CEP170B: variants seen among roughly 807,000 people sequenced by gnomAD.
The protein encoded by CEP170B is centrosomal protein 170B.
A neutral mutation model predicts 120.6 loss-of-function variants in CEP170B; 55 were observed. That is an observed-to-expected ratio of 0.46 (90% CI 0.37 to 0.57). The LOEUF (loss-of-function observed/expected upper bound fraction) is 0.57. CEP170B is among the 20% of genes least tolerant of loss of function. The pLI is 0.00. For missense variants in CEP170B, 2,212 were observed against 2,253.3 expected (o/e 0.98, Z 0.37); for synonymous variants, 1,033 against 954.5 (o/e 1.08, Z -1.52).
At position 104,887,594 on chromosome 14, in the gene CEP170B, C is replaced by T. The variant is rs756226748; in HGVS notation, c.3355C>T (p.Arg1119Cys). 8.8e-6 allele frequency: 14 copies of T among 1,585,600 alleles called. No individual in the cohort carries two copies. The highest frequency in any genetic ancestry group is 1.1e-5 in the South Asian group (1 of 87,842). The part of the protein sequence containing the change: ...LTRSNSLSTP[R>C]PTRASRLRRA... ...CCGCTCCAACAGCCTGTCCACCCCT[C>T]GCCCCACACGGGCCTCCCGGCTGAG... is the stretch of plus-strand genomic sequence containing the variant. The change falls in exon 12 of 19, where the codon CGC becomes TGC. Residue 1119 changes from arginine (R) to cysteine (C), a missense_variant. Arg to Cys is a radical substitution (Grantham distance 180). Coordinates refer to ENST00000414716, the MANE Select transcript of CEP170B (RefSeq NM_001112726.3).
At position 104,887,937 on chromosome 14, in the gene CEP170B, C is replaced by T. The variant is rs972006268; in HGVS notation, c.3698C>T (p.Pro1233Leu). The T allele has an allele frequency of 7.1e-6, 11 of 1,542,216 alleles. No homozygotes were observed. The highest frequency in any genetic ancestry group is 2.7e-5 in the African/African-American group (2 of 73,528). The change falls in exon 12 of 19, where the codon CCC becomes CTC. Residue 1233 changes from proline to leucine, a missense_variant. Pro to Leu is a moderately conservative substitution (Grantham distance 98, BLOSUM62 -3). Transcript: ENST00000414716. The part of the protein sequence containing the change: ...NTATTTGPRQ[P>L]FSRARSGSAR... ...GCCACCACCACGGGTCCCCGCCAGC[C>T]CTTCAGCAGGGCCCGCTCAGGCAGT...
rs1203712373 is a variant in CEP170B, at chr14:104,883,224, G to T, written c.767G>T (p.Gly256Val). 6.2e-7 allele frequency: 1 copy of T among 1,611,076 alleles called. No individual in the cohort carries two copies. The highest frequency in any genetic ancestry group is 8.5e-7 in the Non-Finnish European group (1 of 1,179,480). ...CCCACGAAGGATGCAGAGGCAGGTG[G>T]GGGCGGAGCGGCCCCTGTGGTGCAG... Reference protein sequence around the residue: ...EMPTKDAEAGGGGAAPVVQSH... With the variant: ...EMPTKDAEAGVGGAAPVVQSH... Residue 256 changes from glycine to valine, a missense_variant, in exon 8 of 19, where the codon GGG becomes GTG. Transcript: ENST00000414716.
At chr14:104,892,080 G>A (rs971848647) in intron 13 of CEP170B, among the ~76,000 whole-genome samples, 18 of 152,142 alleles carry the variant, frequency 1.2e-4, no homozygotes, top group Admixed American at 6.5e-5. Context: ...CAGTGTGGGG[G>A]CCGAGGAGGC....
chr14:104,885,557 G>A lies in CEP170B; in HGVS notation c.1944+15G>A, dbSNP rs369486100. 73 of 1,545,220 alleles carry A rather than the reference G, an allele frequency of 4.7e-5. No homozygotes were observed. Among genetic ancestry groups the A allele is most frequent in the Non-Finnish European group, 5.5e-5 (63 of 1,152,832 alleles). On this transcript the variant is annotated intron_variant, in intron 10 of 18. Coordinates refer to ENST00000414716, the MANE Select transcript of CEP170B (RefSeq NM_001112726.3). Reference sequence around the variant, plus strand: ...CGGAGCACCAGGTACAGGCACAGACGGCCACCCCAAGGAGGGGCTGGGCAG... The same window carrying A: ...CGGAGCACCAGGTACAGGCACAGACAGCCACCCCAAGGAGGGGCTGGGCAG...
rs769122597 is a variant in CEP170B, at chr14:104,894,915, C to T, written c.4622C>T (p.Pro1541Leu). 2.7e-5 allele frequency: 43 copies of T among 1,595,078 alleles called. No homozygotes were observed. The highest frequency in any genetic ancestry group is 1.1e-4 in the East Asian group (5 of 43,954). Residue 1541 changes from proline (P) to leucine (L), a missense_variant, in exon 19 of 19, where the codon CCG becomes CTG. By Grantham distance (98) the Pro-to-Leu change is moderately conservative. Transcript: ENST00000414716. ...QRASCGPPSLPDPTFLPDAER... is the reference protein window; with the variant it reads ...QRASCGPPSLLDPTFLPDAER... Reference sequence around the variant, plus strand: ...GCCAGCTGTGGGCCTCCCAGCCTCCCGGACCCCACCTTCCTCCCTGATGCC... The same window carrying T: ...GCCAGCTGTGGGCCTCCCAGCCTCCTGGACCCCACCTTCCTCCCTGATGCC...
Position 104,891,071 on chromosome 14 carries a change from A to T in CEP170B, c.3878+1313A>T, listed in dbSNP as rs1455392352. The stretch of plus-strand genomic sequence containing the variant: ...GATGAGTGGGTGGGTGGATGGATGG[A>T]TGGATGGATGGAGAGTGAGTGGGTG... On this transcript the variant is annotated intron_variant, in intron 13 of 18. Coordinates refer to ENST00000414716, the MANE Select transcript of CEP170B (RefSeq NM_001112726.3). The surrounding 1 kb of genome is among the most constrained non-coding windows in gnomAD (Gnocchi z 4.3). Among the ~76,000 whole-genome samples the T allele has an allele frequency of 1.8e-4, 24 of 134,966 alleles. No homozygotes were observed. The highest frequency in any genetic ancestry group is 5.6e-4 in the African/African-American group (20 of 35,794). 88.5% of individuals were successfully genotyped at this position (134,966 alleles called of 152,430 possible).
intron 15 of CEP170B, 36 bp downstream of exon 15, chr14:104,893,702 G>C (rs1396139829): frequency 6.3e-7 from 1 of 1,585,002 alleles, no homozygotes; most frequent in Admixed American, 1.8e-5. Flanking sequence ...GCTGGGTGTG[G>C]GGGGAGCAGG....
At chr14:104,878,396 T>C in intron 4 of CEP170B, 47 bp from the exon 5 acceptor site, 2 of 1,594,584 alleles carry the variant, frequency 1.3e-6, no homozygotes, top group Non-Finnish European at 1.7e-6. Flanking sequence ...ACTTCAGCGC[T>C]GGGCTCCTGG....
chr14:104,875,922 C>A (rs1276553754), intron 2 of CEP170B, among the ~76,000 whole-genome samples: 2 of 152,214 alleles, frequency 1.3e-5, no homozygotes, highest in Non-Finnish European at 2.9e-5. Flanking sequence ...AGCCCCCTCA[C>A]CGCCAGCCTG....
At position 104,867,950 on chromosome 14, in the gene CEP170B, G is replaced by A. The variant is rs1417227257; in HGVS notation, c.-27-474G>A. On this transcript the variant is annotated intron_variant, in intron 1 of 18. Transcript: ENST00000414716. The surrounding 1 kb of genome is among the most constrained non-coding windows in gnomAD (Gnocchi z 5.4). ...CAGTCTCAGAGTGTCCTGCTGGGGGGAGTGGGTCCTCTTGTTCAGTGTATG... is the reference window on the plus strand; with the variant it reads ...CAGTCTCAGAGTGTCCTGCTGGGGGAAGTGGGTCCTCTTGTTCAGTGTATG... 6.6e-6 allele frequency among the ~76,000 whole-genome samples: 1 copy of A among 152,092 alleles called. No homozygotes were observed. The highest frequency in any genetic ancestry group is 1.5e-5 in the Non-Finnish European group (1 of 67,996).
At chr14:104,872,493 T>TGTGCGTGTGTGCC (rs146297910) in intron 2 of CEP170B, among the ~76,000 whole-genome samples, 8,685 of 80,270 alleles carry the variant, frequency 0.11, 1,590 homozygotes, top group Middle Eastern at 0.26. Flanking sequence ...GTGTGCCGTG[T>TGTGCGTGTGTGCC]GTGTGTGCGT....
chr14:104,887,692 G>A lies in CEP170B; in HGVS notation c.3453G>A (p.Glu1151=). The A allele has an allele frequency of 6.3e-7, 1 of 1,583,522 alleles. No homozygotes were observed. Among genetic ancestry groups the A allele is most frequent in the Non-Finnish European group, 8.6e-7 (1 of 1,167,174 alleles). ...DGERGSLGNP[E]PVGRPAAEQA... ...AGCGGGGGTCCCTGGGCAACCCTGA[G>A]CCCGTGGGCCGGCCAGCTGCTGAGC... The change falls in exon 12 of 19, where the codon GAG becomes GAA. Residue 1151 remains glutamate (E), a synonymous_variant. Coordinates refer to ENST00000414716, the MANE Select transcript of CEP170B (RefSeq NM_001112726.3).
chr14:104,893,479 G>C, intron 14 of CEP170B, 44 bp from the exon 15 acceptor site: 2 of 1,573,012 alleles, frequency 1.3e-6, no homozygotes, highest in East Asian at 4.7e-5. Context: ...AGCCTGGCAG[G>C]AGCCTCTGCC....
rs748321918 is a variant in CEP170B, at chr14:104,889,601, C to A, written c.3740-19C>A. Reference sequence around the variant, plus strand: ...CCGCCACGGCTCCCCCAAACACACACGCTCCCACACCTCAACAGCCACTCA... The same window carrying A: ...CCGCCACGGCTCCCCCAAACACACAAGCTCCCACACCTCAACAGCCACTCA... On this transcript the variant is annotated intron_variant, in intron 12 of 18. Coordinates refer to ENST00000414716, the MANE Select transcript of CEP170B (RefSeq NM_001112726.3). 6.2e-7 allele frequency: 1 copy of A among 1,608,878 alleles called. No homozygotes were observed.
chr14:104,871,928 C>T (rs1361621834), intron 2 of CEP170B, among the ~76,000 whole-genome samples: 3 of 152,216 alleles, frequency 2.0e-5, no homozygotes, highest in African/African-American at 7.2e-5. Flanking sequence ...CACGTGCTGT[C>T]CCACGGACCA....
Position 104,895,175 on chromosome 14 carries a change from C to G in CEP170B, c.*217C>G, listed in dbSNP as rs942205353. 1.9e-6 allele frequency: 1 copy of G among 540,112 alleles called. No individual in the cohort carries two copies. The highest frequency in any genetic ancestry group is 3.7e-5 in the Admixed American group (1 of 27,388). 33.5% of individuals were successfully genotyped at this position (540,112 alleles called of 1,614,324 possible). On this transcript the variant is annotated 3_prime_UTR_variant, in exon 19 of 19. Coordinates refer to ENST00000414716, the MANE Select transcript of CEP170B (RefSeq NM_001112726.3). ...GCCCCATGGCCACCCCCACCCCTGCCTCGCCCCCTACAGGCCTCTGGGCCC... is the reference window on the plus strand; with the variant it reads ...GCCCCATGGCCACCCCCACCCCTGCGTCGCCCCCTACAGGCCTCTGGGCCC...
chr14:104,894,705 C>T lies in CEP170B; in HGVS notation c.4418-6C>T. On this transcript the variant is annotated splice_region_variant and splice_polypyrimidine_tract_variant and intron_variant, in intron 18 of 18. Coordinates refer to ENST00000414716, the MANE Select transcript of CEP170B (RefSeq NM_001112726.3). ...CCGCAGCCTGACCCTCCCTCCCCACCTCCAGTTATCAATGCCATCGTGGAC... is the reference window on the plus strand; with the variant it reads ...CCGCAGCCTGACCCTCCCTCCCCACTTCCAGTTATCAATGCCATCGTGGAC... The T allele has an allele frequency of 1.3e-6, 2 of 1,575,152 alleles. No individual in the cohort carries two copies. Among genetic ancestry groups the T allele is most frequent in the Middle Eastern group, 1.7e-4 (1 of 5,894 alleles).
intron 5 of CEP170B, 50 bp downstream of exon 5, chr14:104,878,551 CA>C (rs759824241): frequency 6.4e-7 from 1 of 1,574,194 alleles, no homozygotes; most frequent in Admixed American, 1.7e-5. Context: ...CTCAGCCCCC[CA>C]TCCTCCCCAC....
At position 104,891,140 on chromosome 14, in the gene CEP170B, C is replaced by T. The variant is rs1015817172; in HGVS notation, c.3878+1382C>T. Among the ~76,000 whole-genome samples the T allele has an allele frequency of 1.3e-5, 2 of 151,776 alleles. No individual in the cohort carries two copies. The highest frequency in any genetic ancestry group is 2.9e-5 in the Non-Finnish European group (2 of 67,904). On this transcript the variant is annotated intron_variant, in intron 13 of 18. Coordinates refer to ENST00000414716, the MANE Select transcript of CEP170B (RefSeq NM_001112726.3). The surrounding 1 kb of genome is among the most constrained non-coding windows in gnomAD (Gnocchi z 4.3). ...TGCAGATCTTCCCAGGAGGTGAGAC[C>T]GCCAGTACAAGGAGGGCCTCCTCAA... is the stretch of plus-strand genomic sequence containing the variant.
Sources: allele counts gnomAD v4.1 joint callset (sites outside exome capture counted in the v4.1 genomes callset), GRCh38; gene constraint gnomAD v4.1.1; non-coding constraint Gnocchi (gnomAD v3.1); transcripts MANE v1.5; gene names NCBI Gene and HGNC (gene_info 2026-07-23, HGNC 2026-07-21).